The following SYCE1 variants were observed in gnomAD, a reference collection of about 807,000 sequenced individuals.
SYCE1 encodes cancer/testis antigen 76.
A neutral mutation model predicts 55.1 loss-of-function variants in SYCE1; 37 were observed. That is an observed-to-expected ratio of 0.67 (90% CI 0.52 to 0.88). The LOEUF (loss-of-function observed/expected upper bound fraction) is 0.88, where lower values mean the gene tolerates loss of function less well. Ranked by LOEUF, SYCE1 falls within the 40% of genes least tolerant of loss-of-function variation. The probability of loss-of-function intolerance (pLI) is 0.00; values close to 1 mark genes in which losing one functional copy is unlikely to be tolerated. For missense variants in SYCE1, 399 were observed against 416.4 expected, an observed-to-expected ratio of 0.96 and a Z score of 0.36; for synonymous variants, 163 against 159.4, an observed-to-expected ratio of 1.02 and a Z score of -0.17.
chr10:133,555,269 A>AC (rs992919935), intron 12 of SYCE1, 82 bp downstream of exon 12: 14 of 1,591,644 alleles, frequency 8.8e-6, no homozygotes, highest in Non-Finnish European at 1.1e-5. Flanking sequence ...GAGTCCCAGG[A>AC]CCCCCTCCCT....
intron 4 of SYCE1, 98 bp downstream of exon 4, chr10:133,558,779 A>T (rs1384615021): frequency 1.7e-6 from 2 of 1,201,382 alleles, no homozygotes; most frequent in Non-Finnish European, 2.4e-6. Context: ...AGGGTACAGG[A>T]CCCTTGGCCA....
At chr10:133,554,134 A>G (rs1447950090), downstream of SYCE1, 1 of 557,816 alleles carries the variant, frequency 1.8e-6, no homozygotes, top group East Asian at 2.9e-5. Flanking sequence ...CTTGATTTAA[A>G]AGTCATGTTT....
chr10:133,558,574 G>A (rs1277085508), intron 4 of SYCE1: 1 of 528,412 alleles, frequency 1.9e-6, no homozygotes, highest in South Asian at 2.5e-5. Flanking sequence ...GATGATTGGG[G>A]AATGCCAGTC....
intron 4 of SYCE1, 25 bp downstream of exon 4, chr10:133,558,852 T>C: frequency 6.2e-7 from 1 of 1,612,366 alleles, no homozygotes; most frequent in Non-Finnish European, 8.5e-7. Context: ...TGTGGGGACC[T>C]CTGGGTGACC....
intron 1 of SYCE1, among the ~76,000 whole-genome samples, chr10:133,562,241 T>G (rs1294381778): frequency 6.6e-6 from 1 of 151,596 alleles, no homozygotes; most frequent in Non-Finnish European, 1.5e-5. Context: ...AAAGTCATCT[T>G]AATTAAAAGC....
chr10:133,565,434 A>C, intron 1 of SYCE1, 23 bp downstream of exon 1: 1 of 1,541,788 alleles, frequency 6.5e-7, no homozygotes. Context: ...CCTCACGCAC[A>C]GTTCCCTGCC....
intron 8 of SYCE1, 23 bp from the exon 9 acceptor site, chr10:133,556,070 G>A (rs988169190): frequency 2.5e-6 from 4 of 1,611,202 alleles, no homozygotes; most frequent in Non-Finnish European, 3.4e-6. Flanking sequence ...AAAGAGGCCT[G>A]TCCACTCCTC....
rs2133614679 is a variant in SYCE1, at chr10:133,555,910, C to CA, written c.596-8dup. The stretch of plus-strand genomic sequence containing the variant: ...GTCGCCTTGACCAGCTTCTCTGCAG[C>CA]ACAAAGGGGCAGGTGAGCACATGAA... On this transcript the variant is annotated splice_region_variant and splice_polypyrimidine_tract_variant and intron_variant, in intron 9 of 12. Transcript: ENST00000343131. The CA allele has an allele frequency of 6.2e-7, 1 of 1,613,774 alleles. No individual in the cohort carries two copies. The highest frequency in any genetic ancestry group is 2.2e-5 in the East Asian group (1 of 44,874).
chr10:133,558,012 C>A (rs537406397), intron 5 of SYCE1, 94 bp from the exon 6 acceptor site: 13 of 1,541,568 alleles, frequency 8.4e-6, no homozygotes, highest in South Asian at 5.6e-5. Context: ...TCTGTGGACA[C>A]CTGATTGAGC....
At chr10:133,559,041 A>G in intron 3 of SYCE1, 90 bp from the exon 4 acceptor site, 3 of 1,333,316 alleles carry the variant, frequency 2.3e-6, no homozygotes, top group Non-Finnish European at 2.1e-6. Flanking sequence ...AGGTAAATCT[A>G]TAGTGGCCTA....
intron 8 of SYCE1, chr10:133,556,508 G>T (rs578122051): frequency 1.2e-5 from 7 of 565,990 alleles, no homozygotes; most frequent in South Asian, 1.0e-4. Context: ...CTTTGTGCCC[G>T]TGATGGTCCC....
At chr10:133,562,721 A>C (rs1589970870) in intron 1 of SYCE1, among the ~76,000 whole-genome samples, 1 of 152,104 alleles carries the variant, frequency 6.6e-6, no homozygotes, top group Non-Finnish European at 1.5e-5. Flanking sequence ...ATATTTTTTT[A>C]ATGTTTTTTA....
At chr10:133,557,718 G>T in intron 6 of SYCE1, 146 bp downstream of exon 6, 1 of 846,926 alleles carries the variant, frequency 1.2e-6, no homozygotes, top group Non-Finnish European at 1.9e-6. Flanking sequence ...AGCTGTTGGA[G>T]CCGAAGGGGA....
In SYCE1 at chr10:133,565,582, T is replaced by G; in HGVS notation, c.-53A>C. 1 of 1,526,736 alleles carries G rather than the reference T, an allele frequency of 6.5e-7. No homozygotes were observed. 94.6% of individuals were successfully genotyped at this position (1,526,736 alleles called of 1,614,324 possible). Reference sequence around the variant, plus strand: ...CTCGGGAGGGAGCCTCCAGTGGTGATTGGAGCAACCGCCGCTGGGGGCAGG... The same window carrying G: ...CTCGGGAGGGAGCCTCCAGTGGTGAGTGGAGCAACCGCCGCTGGGGGCAGG... On this transcript the variant is annotated 5_prime_UTR_variant, in exon 1 of 13. Transcript: ENST00000343131.
At chr10:133,556,846 G>A (rs1386328974) in intron 7 of SYCE1, 24 bp from the exon 8 acceptor site, 4 of 1,601,396 alleles carry the variant, frequency 2.5e-6, no homozygotes, top group Non-Finnish European at 3.4e-6. Context: ...ACAGGCATGA[G>A]GGGATATGGG....
At chr10:133,559,038 TCTA>T in intron 3 of SYCE1, 87 bp from the exon 4 acceptor site, 1 of 1,374,188 alleles carries the variant, frequency 7.3e-7, no homozygotes, top group Non-Finnish European at 1.0e-6. Context: ...TTCAGGTAAA[TCTA>T]TAGTGGCCTA....
intron 4 of SYCE1, chr10:133,558,657 A>C (rs1851746529): frequency 7.0e-6 from 4 of 567,638 alleles, no homozygotes; most frequent in Non-Finnish European, 1.2e-5. Flanking sequence ...CTGAGGAAGC[A>C]CAGACAGCGT....
rs1851640029 is a variant in SYCE1, at chr10:133,555,450, G to A, written c.831-12C>T. On this transcript the variant is annotated splice_polypyrimidine_tract_variant and intron_variant, in intron 11 of 12. Coordinates refer to ENST00000343131, the MANE Select transcript of SYCE1 (RefSeq NM_001143764.3). ...GCTCTTCCTTCAGCCTGGACAGGAA[G>A]AGGTAGGATGGGGGAAGGAAGAGGA... is the stretch of plus-strand genomic sequence containing the variant. 2 of 1,613,762 alleles carry A rather than the reference G, an allele frequency of 1.2e-6. No individual in the cohort carries two copies. Among genetic ancestry groups the A allele is most frequent in the Non-Finnish European group, 1.7e-6 (2 of 1,179,960 alleles).
chr10:133,559,213 G>T, intron 3 of SYCE1, 88 bp downstream of exon 3: 1 of 1,436,044 alleles, frequency 7.0e-7, no homozygotes, highest in Non-Finnish European at 9.8e-7. Flanking sequence ...AGTAACTTTG[G>T]AACAAGGGAC....
Sources: allele counts gnomAD v4.1 joint callset (sites outside exome capture counted in the v4.1 genomes callset), GRCh38; gene constraint gnomAD v4.1.1; transcripts MANE v1.5; gene names NCBI Gene and HGNC (gene_info 2026-07-23, HGNC 2026-07-21).